Variants in ZNF385D observed in about 807,000 individuals in gnomAD.
The protein encoded by ZNF385D is zinc finger protein 659.
In ZNF385D, 15 loss-of-function variants were observed where a neutral mutation model predicts 35.8. The observed-to-expected ratio is 0.42, with a 90% CI of 0.28 to 0.64. The LOEUF is 0.64. Among genes scored for constraint, ZNF385D ranks in the 30% least tolerant of loss-of-function variants. The probability of loss-of-function intolerance (pLI) is 0.23; values close to 1 mark genes in which losing one functional copy is unlikely to be tolerated. For synonymous variants in ZNF385D, 212 were observed against 186.8 expected (o/e 1.13, Z -1.10); for missense variants, 474 against 494.6 (o/e 0.96, Z 0.39).
At chr3:21,804,886 C>A (rs1045700128) in intron 3 of ZNF385D, among the ~76,000 whole-genome samples, 7 of 152,010 alleles carry the variant, frequency 4.6e-5, no homozygotes, top group Admixed American at 3.3e-4. Flanking sequence ...AAGAACGTTG[C>A]TTGGAAAATC....
At chr3:21,575,136 C>A (rs1575225020) in intron 2 of ZNF385D, among the ~76,000 whole-genome samples, 2 of 152,082 alleles carry the variant, frequency 1.3e-5, no homozygotes, top group African/African-American at 4.8e-5. Context: ...GTAAAAATGC[C>A]AATCATTCAG....
At chr3:22,104,964 C>A (rs1218684723) in intron 3 of ZNF385D, among the ~76,000 whole-genome samples, 1 of 152,104 alleles carries the variant, frequency 6.6e-6, no homozygotes, top group Admixed American at 6.6e-5. Flanking sequence ...GCCACAACGT[C>A]TTTACATTGA....
intron 3 of ZNF385D, among the ~76,000 whole-genome samples, chr3:22,101,856 T>C (rs2125626112): frequency 6.6e-6 from 1 of 152,044 alleles, no homozygotes; most frequent in Admixed American, 6.6e-5. Context: ...GGTGACTATA[T>C]ATTTTCTGGT....
chr3:21,808,552 G>A (rs955004939), intron 3 of ZNF385D, among the ~76,000 whole-genome samples: 1 of 152,184 alleles, frequency 6.6e-6, no homozygotes, highest in South Asian at 2.1e-4. Context: ...TCTTTGCCTT[G>A]CAAGTGCTTG....
At chr3:22,182,092 C>T (rs945357883) in intron 2 of ZNF385D, among the ~76,000 whole-genome samples, 10 of 152,002 alleles carry the variant, frequency 6.6e-5, no homozygotes, top group Admixed American at 5.3e-4. Context: ...CCTGGTTAGG[C>T]AATGTGTGGA....
At chr3:21,824,318 T>G (rs953739080) in intron 3 of ZNF385D, among the ~76,000 whole-genome samples, 1 of 152,206 alleles carries the variant, frequency 6.6e-6, no homozygotes, top group Non-Finnish European at 1.5e-5. Flanking sequence ...TGGTGCTTTT[T>G]ATAAAAAACA....
At chr3:22,345,461 A>C (rs1695616129) in intron 2 of ZNF385D, among the ~76,000 whole-genome samples, 1 of 152,234 alleles carries the variant, frequency 6.6e-6, no homozygotes, top group Admixed American at 6.5e-5. Flanking sequence ...CAAATACCTT[A>C]GATTATTTCT....
At chr3:21,434,009 T>C (rs562573579) in intron 5 of ZNF385D, among the ~76,000 whole-genome samples, 1 of 152,264 alleles carries the variant, frequency 6.6e-6, no homozygotes, top group Admixed American at 6.5e-5. Context: ...TTACATCTTT[T>C]TTTAAAAAAT....
At chr3:21,691,471 T>G (rs2067283657) in intron 1 of ZNF385D, among the ~76,000 whole-genome samples, 2 of 151,936 alleles carry the variant, frequency 1.3e-5, no homozygotes, top group Non-Finnish European at 2.9e-5. Context: ...ACTCCTTAAA[T>G]CTCCTTCCCC....
chr3:21,966,411 G>A (rs1559799220), intron 3 of ZNF385D, among the ~76,000 whole-genome samples: 1 of 152,140 alleles, frequency 6.6e-6, no homozygotes, highest in African/African-American at 2.4e-5. Context: ...TGGTAAAGAC[G>A]CATTTGTGGC....
intron 1 of ZNF385D, among the ~76,000 whole-genome samples, chr3:21,699,823 C>CTTTTTTTT (rs1006362754): frequency 2.6e-4 from 23 of 88,876 alleles, no homozygotes; most frequent in Non-Finnish European, 3.7e-4. Flanking sequence ...GTTTCTTTTC[C>CTTTTTTTT]TTTTTTTTTT....
intron 3 of ZNF385D, among the ~76,000 whole-genome samples, chr3:22,096,419 T>G (rs993356702): frequency 1.3e-5 from 2 of 152,066 alleles, no homozygotes; most frequent in African/African-American, 2.4e-5. Flanking sequence ...TTATAAAATT[T>G]CTTACAAAAA....
intron 3 of ZNF385D, among the ~76,000 whole-genome samples, chr3:22,039,405 A>T (rs946783131): frequency 6.6e-6 from 1 of 152,140 alleles, no homozygotes; most frequent in Non-Finnish European, 1.5e-5. Context: ...CTCAACTAGT[A>T]CATGGTAAAT....
At chr3:22,280,986 G>C (rs924779111) in intron 2 of ZNF385D, among the ~76,000 whole-genome samples, 5 of 151,676 alleles carry the variant, frequency 3.3e-5, no homozygotes, top group African/African-American at 1.2e-4. Flanking sequence ...GTTTTGTTTT[G>C]TTTTTCCAGT....
chr3:21,695,494 G>T (rs1331471667), intron 1 of ZNF385D, among the ~76,000 whole-genome samples: 1 of 152,134 alleles, frequency 6.6e-6, no homozygotes, highest in Non-Finnish European at 1.5e-5. Flanking sequence ...ATCGCTGCAG[G>T]ATACAGTATA....
At chr3:21,726,029 A>G (rs1416068162) in intron 1 of ZNF385D, among the ~76,000 whole-genome samples, 1 of 152,204 alleles carries the variant, frequency 6.6e-6, no homozygotes, top group African/African-American at 2.4e-5. Context: ...CAACATACAC[A>G]AATCAATATA....
intron 3 of ZNF385D, among the ~76,000 whole-genome samples, chr3:21,528,242 T>A (rs1708344157): frequency 6.6e-6 from 1 of 152,068 alleles, no homozygotes; most frequent in Non-Finnish European, 1.5e-5. Context: ...CACTTTCTTC[T>A]TTTACACCAG....
At chr3:22,351,683 G>A (rs1187158815) in intron 2 of ZNF385D, among the ~76,000 whole-genome samples, 1 of 152,126 alleles carries the variant, frequency 6.6e-6, no homozygotes, top group East Asian at 1.9e-4. Context: ...GTGGTAGTTT[G>A]AGACTAAATA....
intron 2 of ZNF385D, among the ~76,000 whole-genome samples, chr3:22,371,975 C>T (rs1266752117): frequency 1.3e-5 from 2 of 152,082 alleles, no homozygotes; most frequent in African/African-American, 4.8e-5. Context: ...GAAGCTGTCC[C>T]GCTGTGTTTC....
Sources: gnomAD v4.1 joint callset for allele counts (sites outside exome capture counted in the v4.1 genomes callset) on GRCh38, gnomAD v4.1.1 for gene constraint, MANE v1.5 for transcripts, NCBI Gene and HGNC (gene_info 2026-07-23, HGNC 2026-07-21) for gene names.